FBXL17: variants seen among roughly 807,000 people sequenced by gnomAD.
FBXL17 encodes F-box and leucine rich repeat protein 17.
FBXL17 carries 22 observed loss-of-function variants against 66.2 expected under a neutral mutation model. The observed-to-expected ratio is 0.33, with a 90% CI of 0.24 to 0.47. The LOEUF (loss-of-function observed/expected upper bound fraction) is 0.47, where lower values mean the gene tolerates loss of function less well. Among genes scored for constraint, FBXL17 ranks in the 20% least tolerant of loss-of-function variants. The pLI is 1.00. For missense variants in FBXL17, 878 were observed against 948.2 expected (o/e 0.93, Z 0.97); for synonymous variants, 474 against 400.5 (o/e 1.18, Z -2.19).
At chr5:107,998,590 A>T (rs1238199504) in intron 7 of FBXL17, among the ~76,000 whole-genome samples, 2 of 151,864 alleles carry the variant, frequency 1.3e-5, no homozygotes, top group African/African-American at 4.8e-5. Flanking sequence ...TAAATTCTAA[A>T]TATATACAAT....
chr5:108,273,120 G>A (rs929817133), intron 4 of FBXL17, among the ~76,000 whole-genome samples: 1 of 151,984 alleles, frequency 6.6e-6, no homozygotes, highest in African/African-American at 2.4e-5. Flanking sequence ...AATAGGTGTG[G>A]GTCACAGACA....
intron 6 of FBXL17, among the ~76,000 whole-genome samples, chr5:108,054,000 C>G (rs191506554): frequency 6.6e-6 from 1 of 152,206 alleles, no homozygotes; most frequent in Non-Finnish European, 1.5e-5. Context: ...CCTCAGCAAA[C>G]TAATGCAGGA....
chr5:108,314,566 C>T (rs184062369), intron 4 of FBXL17, among the ~76,000 whole-genome samples: 131 of 151,100 alleles, frequency 8.7e-4, no homozygotes, highest in African/African-American at 3.0e-3. Flanking sequence ...TTTCTTCTTC[C>T]ATGTTATAAA....
At chr5:108,230,788 T>C (rs779242631) in intron 4 of FBXL17, among the ~76,000 whole-genome samples, 1 of 138,144 alleles carries the variant, frequency 7.2e-6, no homozygotes, top group Non-Finnish European at 1.5e-5. Flanking sequence ...TTTGGGGACT[T>C]TGGGGGAAGG....
rs552503126 is a variant in FBXL17, at chr5:108,298,344, A to G, written c.1506+50055T>C. The G allele has an allele frequency of 1.1e-5, 11 of 983,766 alleles. No individual in the cohort carries two copies. In the East Asian group the frequency reaches 3.4e-4, roughly 30 times the overall value. 60.9% of individuals were successfully genotyped at this position (983,766 alleles called of 1,614,324 possible). On this transcript the variant is annotated intron_variant, in intron 4 of 8. Coordinates refer to ENST00000542267, the MANE Select transcript of FBXL17 (RefSeq NM_001163315.3). Reference sequence around the variant, plus strand: ...AAGCACTGAGAAAAATCGTTTTTGTATAAAATCTGTGCATAGAGAAAGTTA... The same window carrying G: ...AAGCACTGAGAAAAATCGTTTTTGTGTAAAATCTGTGCATAGAGAAAGTTA...
intron 6 of FBXL17, among the ~76,000 whole-genome samples, chr5:108,171,898 G>C (rs529194324): frequency 6.6e-6 from 1 of 152,110 alleles, no homozygotes; most frequent in Non-Finnish European, 1.5e-5. Flanking sequence ...AGTCTCACAA[G>C]ATCTGATGGT....
chr5:108,331,343 C>T (rs572193031), intron 4 of FBXL17, among the ~76,000 whole-genome samples: 1 of 152,128 alleles, frequency 6.6e-6, no homozygotes, highest in Non-Finnish European at 1.5e-5. Flanking sequence ...CTGGAGAAAA[C>T]TCCATCTGTA....
chr5:107,931,449 C>T (rs1488574872), intron 7 of FBXL17, among the ~76,000 whole-genome samples: 3 of 151,600 alleles, frequency 2.0e-5, no homozygotes, highest in African/African-American at 7.3e-5. Context: ...TTTATAGAGA[C>T]GGAGTTTTCC....
At chr5:108,353,789 G>T (rs951239084) in intron 3 of FBXL17, among the ~76,000 whole-genome samples, 2 of 152,150 alleles carry the variant, frequency 1.3e-5, no homozygotes, top group African/African-American at 4.8e-5. Context: ...GGTAAAGGTA[G>T]CCCAGTGGCA....
chr5:108,158,277 C>T (rs184485230), intron 6 of FBXL17, among the ~76,000 whole-genome samples: 66 of 151,916 alleles, frequency 4.3e-4, no homozygotes, highest in African/African-American at 1.3e-3. Flanking sequence ...TTACCAACAA[C>T]GAATTAGAAA....
rs1580938935 is a variant in FBXL17 at position 108,381,028 on chromosome 5, CGCCGCA to C, written c.658_663del (p.Cys220_Gly221del). 4 of 1,191,920 alleles carry C rather than the reference CGCCGCA, an allele frequency of 3.4e-6. No homozygotes were observed. Among genetic ancestry groups the C allele is most frequent in the African/African-American group, 3.2e-5 (2 of 62,528 alleles). The allele number at this position is 1,191,920 out of a possible 1,614,324, so 73.8% of individuals were successfully genotyped here. A position where few individuals can be genotyped will look rare whatever the true frequency, so the allele number is the denominator to read the frequency against. On this transcript the variant is annotated inframe_deletion, in exon 1 of 9. Coordinates refer to ENST00000542267, the MANE Select transcript of FBXL17 (RefSeq NM_001163315.3). ...CCCCCGCCACCGCCGCCGCCGCCGC[CGCCGCA>C]GCCCCCGCCGCCGCAGCGGGGCTGC...
At chr5:108,186,557 G>T (rs1288889376) in intron 5 of FBXL17, among the ~76,000 whole-genome samples, 1 of 151,990 alleles carries the variant, frequency 6.6e-6, no homozygotes, top group African/African-American at 2.4e-5. Context: ...GGATCACGAG[G>T]TAAGGAGATC....
At chr5:108,068,461 G>GTT (rs1561394499) in intron 6 of FBXL17, among the ~76,000 whole-genome samples, 82 of 138,994 alleles carry the variant, frequency 5.9e-4, no homozygotes, top group African/African-American at 1.9e-3. Flanking sequence ...CTTTTTTTGG[G>GTT]GGGGGGGCGG....
chr5:108,157,643 G>A (rs1364355848), intron 6 of FBXL17, among the ~76,000 whole-genome samples: 1 of 149,792 alleles, frequency 6.7e-6, no homozygotes, highest in African/African-American at 2.5e-5. Context: ...CATATTATAT[G>A]CAAAATAAAT....
At chr5:108,010,700 T>C (rs956116517) in intron 7 of FBXL17, among the ~76,000 whole-genome samples, 4 of 152,038 alleles carry the variant, frequency 2.6e-5, no homozygotes, top group Admixed American at 6.6e-5. Context: ...AACGAGTCCA[T>C]GTCAAAAGAA....
At chr5:108,300,578 G>C (rs1388058857) in intron 4 of FBXL17, among the ~76,000 whole-genome samples, 5 of 151,702 alleles carry the variant, frequency 3.3e-5, no homozygotes, top group Non-Finnish European at 7.4e-5. Context: ...CTACTGGAAA[G>C]TTTAACCATG....
At chr5:107,960,376 T>C (rs985408276) in intron 7 of FBXL17, among the ~76,000 whole-genome samples, 1 of 152,188 alleles carries the variant, frequency 6.6e-6, no homozygotes, top group Non-Finnish European at 1.5e-5. Context: ...CTAACCATAT[T>C]CACCATGCTG....
At position 108,381,732 on chromosome 5, in the gene FBXL17, G is replaced by T; in HGVS notation, c.-41C>A. 1 of 1,389,362 alleles carries T rather than the reference G, an allele frequency of 7.2e-7. No individual in the cohort carries two copies. Among genetic ancestry groups the T allele is most frequent in the South Asian group, 1.6e-5 (1 of 64,160 alleles). The allele number at this position is 1,389,362 out of a possible 1,614,324, so 86.1% of individuals were successfully genotyped here. ...GAGGGGGACCGGGACGGGAGGGAGG[G>T]AGACCCAGAGAGGCGGGCTCCCGGC... On this transcript the variant is annotated 5_prime_UTR_variant, in exon 1 of 9. Coordinates refer to ENST00000542267, the MANE Select transcript of FBXL17 (RefSeq NM_001163315.3).
At chr5:108,355,972 T>C (rs567962600) in intron 3 of FBXL17, among the ~76,000 whole-genome samples, 1 of 152,314 alleles carries the variant, frequency 6.6e-6, no homozygotes, top group African/African-American at 2.4e-5. Flanking sequence ...GACCCAACTC[T>C]ATGTTGTCTA....
Sources: gnomAD v4.1 joint callset for allele counts (sites outside exome capture counted in the v4.1 genomes callset) on GRCh38, gnomAD v4.1.1 for gene constraint, MANE v1.5 for transcripts, NCBI Gene and HGNC (gene_info 2026-07-23, HGNC 2026-07-21) for gene names.